NAV1: variants seen among roughly 807,000 people sequenced by gnomAD.
NAV1 encodes pore membrane and/or filament interacting like protein 3.
Under a neutral mutation model 175.2 loss-of-function variants are expected in NAV1, and 18 were observed. The ratio of observed to expected loss-of-function variants is 0.10; its 90% CI spans 0.07 to 0.15. The LOEUF (loss-of-function observed/expected upper bound fraction) is 0.15. NAV1 is among the 10% of genes least tolerant of loss of function. The pLI is 1.00. For synonymous variants in NAV1, 897 were observed against 978.7 expected (o/e 0.92, Z 1.56); for missense variants, 1,731 against 2,436.6 (o/e 0.71, Z 6.10).
At chr1:201,585,597 A>T (rs1667002514) in intron 1 of NAV1, among the ~76,000 whole-genome samples, 1 of 152,072 alleles carries the variant, frequency 6.6e-6, no homozygotes, top group Admixed American at 6.6e-5. Flanking sequence ...GAAAATATAA[A>T]AAACTTCTAC....
chr1:201,732,459 A>G (rs6690010), intron 3 of NAV1, among the ~76,000 whole-genome samples: 86,716 of 151,752 alleles, frequency 0.57, 25,032 homozygotes, highest in Admixed American at 0.67. Flanking sequence ...GATTACAGGC[A>G]TGAGTCACCA....
chr1:201,594,214 C>T (rs1168255513), intron 2 of NAV1, among the ~76,000 whole-genome samples: 1 of 152,040 alleles, frequency 6.6e-6, no homozygotes, highest in Non-Finnish European at 1.5e-5. Flanking sequence ...CCATTTTGGG[C>T]CCAAGCAACC....
chr1:201,597,778 C>T (rs1558012290), intron 2 of NAV1, among the ~76,000 whole-genome samples: 1 of 152,240 alleles, frequency 6.6e-6, no homozygotes. Context: ...GTTTCCTTGG[C>T]AGCTGTGTCT....
intron 1 of NAV1, among the ~76,000 whole-genome samples, chr1:201,695,081 G>C (rs1558073767): frequency 6.6e-6 from 1 of 152,242 alleles, no homozygotes; most frequent in Non-Finnish European, 1.5e-5. Context: ...CCTCTGGAGA[G>C]CCTCTGGCTA....
At chr1:201,559,194 C>T (rs986637995) in intron 1 of NAV1, among the ~76,000 whole-genome samples, 3 of 152,080 alleles carry the variant, frequency 2.0e-5, no homozygotes, top group Non-Finnish European at 2.9e-5. Flanking sequence ...AGCCCGTTTC[C>T]CCTCTGTAAA....
At chr1:201,752,045 C>T (rs1025455267) in intron 3 of NAV1, among the ~76,000 whole-genome samples, 6 of 152,176 alleles carry the variant, frequency 3.9e-5, no homozygotes, top group Non-Finnish European at 7.3e-5. Context: ...CCAGTGCTGA[C>T]CTTTGACCTC....
At chr1:201,649,152 G>A in exon 1 of NAV1, 2 of 1,611,898 alleles carry the variant, frequency 1.2e-6, no homozygotes, top group Non-Finnish European at 1.7e-6. Context: ...GACCCCCCTG[G>A]CTCCGCTCGC....
chr1:201,660,861 C>G (rs1669583128), intron 1 of NAV1, among the ~76,000 whole-genome samples: 1 of 152,058 alleles, frequency 6.6e-6, no homozygotes, highest in African/African-American at 2.4e-5. Flanking sequence ...TGTGGAGGTC[C>G]CAGAGGAAGG....
intron 1 of NAV1, among the ~76,000 whole-genome samples, chr1:201,552,008 C>T (rs1275865275): frequency 6.6e-6 from 1 of 152,232 alleles, no homozygotes; most frequent in Non-Finnish European, 1.5e-5. Flanking sequence ...CTTCCTCTTG[C>T]TGGCCATGGC....
chr1:201,675,535 A>G (rs1214319022), intron 1 of NAV1, among the ~76,000 whole-genome samples: 1 of 152,176 alleles, frequency 6.6e-6, no homozygotes, highest in Non-Finnish European at 1.5e-5. Flanking sequence ...ACTATTACTT[A>G]CCATTAACTT....
chr1:201,678,057 G>T (rs1670321774), intron 1 of NAV1, among the ~76,000 whole-genome samples: 1 of 152,214 alleles, frequency 6.6e-6, no homozygotes, highest in Non-Finnish European at 1.5e-5. Flanking sequence ...GGGAGCTGGG[G>T]AGTGGAATTA....
At chr1:201,736,913 C>T (rs1000828390) in intron 3 of NAV1, among the ~76,000 whole-genome samples, 1 of 152,008 alleles carries the variant, frequency 6.6e-6, no homozygotes, top group Non-Finnish European at 1.5e-5. Flanking sequence ...ATGTGTCCCT[C>T]CGCTGCCCCC....
intron 1 of NAV1, among the ~76,000 whole-genome samples, chr1:201,661,188 C>G (rs1163333799): frequency 6.6e-6 from 1 of 152,216 alleles, no homozygotes; most frequent in African/African-American, 2.4e-5. Flanking sequence ...ACTGCTCTCC[C>G]TGCCCTCTTG....
intron 1 of NAV1, among the ~76,000 whole-genome samples, chr1:201,544,386 A>T (rs1487515312): frequency 6.6e-6 from 1 of 152,202 alleles, no homozygotes; most frequent in Non-Finnish European, 1.5e-5. Flanking sequence ...TGATTTTAAA[A>T]TCCATTTGTA....
chr1:201,599,797 G>A (rs749426948), intron 2 of NAV1, among the ~76,000 whole-genome samples: 10 of 152,168 alleles, frequency 6.6e-5, no homozygotes, highest in Non-Finnish European at 1.3e-4. Context: ...TCATAAACAA[G>A]GAGAGATATT....
chr1:201,643,484 C>T (rs562884376), upstream of NAV1, among the ~76,000 whole-genome samples: 2 of 150,830 alleles, frequency 1.3e-5, no homozygotes, highest in Non-Finnish European at 3.0e-5. Context: ...CACAGTAGTG[C>T]AACCTCAGCT....
chr1:201,790,448 A>G (rs1301241112), intron 11 of NAV1, 106 bp from the exon 16 acceptor site: 3 of 1,304,228 alleles, frequency 2.3e-6, no homozygotes, highest in Non-Finnish European at 3.3e-6. Context: ...CCTCTGAGTC[A>G]TGCTTCTTCA....
chr1:201,680,807 G>A (rs1377795080), intron 1 of NAV1, among the ~76,000 whole-genome samples: 1 of 152,056 alleles, frequency 6.6e-6, no homozygotes, highest in Non-Finnish European at 1.5e-5. Flanking sequence ...TCTAGCCTTT[G>A]GGACAGAGAA....
At chr1:201,554,191 T>A (rs1243421181) in intron 1 of NAV1, among the ~76,000 whole-genome samples, 2 of 152,188 alleles carry the variant, frequency 1.3e-5, no homozygotes, top group Admixed American at 6.5e-5. Context: ...TAATCTGAAT[T>A]GAGCTGACAC....
Sources: allele counts gnomAD v4.1 joint callset (sites outside exome capture counted in the v4.1 genomes callset), GRCh38; gene constraint gnomAD v4.1.1; transcripts MANE v1.5; gene names NCBI Gene and HGNC (gene_info 2026-07-23, HGNC 2026-07-21).